Variants in DCLK1 observed in about 807,000 individuals in gnomAD.
The protein encoded by DCLK1 is doublecortin like kinase 1.
In DCLK1, 16 loss-of-function variants were observed where a neutral mutation model predicts 86.2. The ratio of observed to expected loss-of-function variants is 0.19; its 90% CI spans 0.13 to 0.28. The LOEUF is 0.28. Among genes scored for constraint, DCLK1 ranks in the 10% least tolerant of loss-of-function variants. The probability of loss-of-function intolerance (pLI) is 1.00; values close to 1 mark genes in which losing one functional copy is unlikely to be tolerated. For missense variants in DCLK1, 590 were observed against 940.2 expected (o/e 0.63, Z 4.87); for synonymous variants, 369 against 370.5 (o/e 1.00, Z 0.05).
intron 4 of DCLK1, among the ~76,000 whole-genome samples, chr13:35,881,706 G>C (rs1593694980): frequency 6.6e-6 from 1 of 151,992 alleles, no homozygotes; most frequent in African/African-American, 2.4e-5. Flanking sequence ...CTTGGAGAGT[G>C]CCACCCTGTC....
At chr13:35,810,391 G>A (rs752430534) in intron 12 of DCLK1, among the ~76,000 whole-genome samples, 2 of 152,130 alleles carry the variant, frequency 1.3e-5, no homozygotes, top group African/African-American at 4.8e-5. Flanking sequence ...TGTACTCCAC[G>A]GAAAATCAAT....
chr13:35,910,975 C>T (rs9545699), intron 4 of DCLK1, among the ~76,000 whole-genome samples: 1 of 152,014 alleles, frequency 6.6e-6, no homozygotes, highest in Non-Finnish European at 1.5e-5. Context: ...AATCTTAGAA[C>T]ACAGGTCTAA....
In DCLK1 at chr13:36,089,441, C is replaced by T. The variant is rs533748044; in HGVS notation, c.723+22428G>A. On this transcript the variant is annotated intron_variant, in intron 3 of 16. Coordinates refer to ENST00000360631, the MANE Select transcript of DCLK1 (RefSeq NM_001330071.2). The stretch of plus-strand genomic sequence containing the variant: ...GGAAACATAACCTTGGTTCCAAGTT[C>T]AGCCCATGTTTCTTTCCTGTGCAGC... Among the ~76,000 whole-genome samples, 5 of 152,298 alleles carry T rather than the reference C, an allele frequency of 3.3e-5. No homozygotes were observed. The South Asian group carries it at 1.0e-3, about 32-fold the overall frequency.
At chr13:35,827,315 C>T (rs1050949772) in intron 10 of DCLK1, among the ~76,000 whole-genome samples, 3 of 152,186 alleles carry the variant, frequency 2.0e-5, no homozygotes, top group Admixed American at 6.5e-5. Flanking sequence ...GTACCTAATG[C>T]TTTGTGTGTC....
rs2153096082 is a variant in DCLK1 at position 35,769,192 on chromosome 13, A to C, written c.*5343T>G. 1 of 152,274 alleles carries C rather than the reference A, an allele frequency of 6.6e-6. No individual in the cohort carries two copies. The highest frequency in any genetic ancestry group is 1.9e-4 in the East Asian group (1 of 5,192). The allele number at this position is 152,274 out of a possible 1,614,324, so 9.4% of individuals were successfully genotyped here. ...TAATTAAGGACACAAATTGTTTGAA[A>C]GTTATTTCATTAGGATTCTGAAAAT... On this transcript the variant is annotated 3_prime_UTR_variant, in exon 17 of 17. Transcript: ENST00000360631.
At chr13:35,993,052 C>G (rs777081772) in intron 3 of DCLK1, among the ~76,000 whole-genome samples, 15 of 152,204 alleles carry the variant, frequency 9.9e-5, no homozygotes, top group African/African-American at 2.4e-4. Context: ...TTTCTGCAGC[C>G]TTGCCTGCAA....
At chr13:35,980,807 ACTT>A (rs748618132) in intron 3 of DCLK1, among the ~76,000 whole-genome samples, 22 of 151,766 alleles carry the variant, frequency 1.4e-4, no homozygotes, top group East Asian at 3.9e-4. Context: ...GCAGCCCAGT[ACTT>A]CTTCTTTTTT....
intron 4 of DCLK1, among the ~76,000 whole-genome samples, chr13:35,882,454 C>T (rs1172111374): frequency 6.6e-6 from 1 of 152,210 alleles, no homozygotes; most frequent in East Asian, 1.9e-4. Context: ...TATGACATCA[C>T]TTTGATACCA....
chr13:35,909,366 A>C (rs1874868345), intron 4 of DCLK1, among the ~76,000 whole-genome samples: 1 of 152,192 alleles, frequency 6.6e-6, no homozygotes, highest in Non-Finnish European at 1.5e-5. Flanking sequence ...GACACACGCA[A>C]ACATTAAAAA....
chr13:35,967,249 T>G (rs8000854), intron 3 of DCLK1, among the ~76,000 whole-genome samples: 44,744 of 132,964 alleles, frequency 0.34, 7,574 homozygotes, highest in East Asian at 0.59. Flanking sequence ...TCTGGGAGGT[T>G]GGGGGCGCCT....
At chr13:35,902,730 G>A (rs1874448811) in intron 4 of DCLK1, among the ~76,000 whole-genome samples, 1 of 152,088 alleles carries the variant, frequency 6.6e-6, no homozygotes, top group African/African-American at 2.4e-5. Context: ...ACAGGTGAAG[G>A]CTGCTGCTTA....
chr13:36,092,606 C>T (rs1426385275), intron 3 of DCLK1, among the ~76,000 whole-genome samples: 1 of 150,038 alleles, frequency 6.7e-6, no homozygotes, highest in African/African-American at 2.5e-5. Flanking sequence ...CCTGCCTCAG[C>T]CTCCCAAGTA....
intron 3 of DCLK1, among the ~76,000 whole-genome samples, chr13:36,070,897 A>G (rs1300578896): frequency 1.3e-5 from 2 of 152,062 alleles, no homozygotes; most frequent in African/African-American, 4.8e-5. Context: ...CACCCACCTC[A>G]GCCTCCCAAA....
chr13:35,969,123 T>C (rs1298983456), intron 3 of DCLK1, among the ~76,000 whole-genome samples: 1 of 152,188 alleles, frequency 6.6e-6, no homozygotes. Flanking sequence ...GCAACTATAA[T>C]GAGCATAGTT....
intron 15 of DCLK1, among the ~76,000 whole-genome samples, chr13:35,798,643 GGCAAGTT>G (rs2086859393): frequency 6.6e-6 from 1 of 152,162 alleles, no homozygotes; most frequent in Non-Finnish European, 1.5e-5. Flanking sequence ...GAAAATGTAA[GGCAAGTT>G]GAGATTTATC....
intron 3 of DCLK1, among the ~76,000 whole-genome samples, chr13:36,102,181 A>G (rs1414279566): frequency 7.2e-6 from 1 of 138,988 alleles, no homozygotes; most frequent in Non-Finnish European, 1.6e-5. Context: ...GAAAATGTCT[A>G]GTCTAATCTT....
At position 36,046,613 on chromosome 13, in the gene DCLK1, A is replaced by G. The variant is rs375530532; in HGVS notation, c.723+65256T>C. ...ACATTCCACAAAGTGGCTGCATCCA[A>G]TCTCTTCACAGATAAATCCAAGACT... On this transcript the variant is annotated intron_variant, in intron 3 of 16. Coordinates refer to ENST00000360631, the MANE Select transcript of DCLK1 (RefSeq NM_001330071.2). Among the ~76,000 whole-genome samples the G allele has an allele frequency of 2.0e-4, 31 of 152,364 alleles. No individual in the cohort carries two copies. The South Asian group carries it at 5.2e-3, about 25-fold the overall frequency.
At chr13:35,965,079 T>C (rs574414036) in intron 3 of DCLK1, among the ~76,000 whole-genome samples, 1 of 152,302 alleles carries the variant, frequency 6.6e-6, no homozygotes, top group South Asian at 2.1e-4. Context: ...CAAGTTCCTT[T>C]ACATCATGCC....
At chr13:36,091,865 C>T (rs554040718) in intron 3 of DCLK1, among the ~76,000 whole-genome samples, 4 of 152,266 alleles carry the variant, frequency 2.6e-5, no homozygotes, top group Non-Finnish European at 5.9e-5. Context: ...TATCTGTGTT[C>T]CTAGTTCCTA....
Sources: allele counts gnomAD v4.1 joint callset (sites outside exome capture counted in the v4.1 genomes callset), GRCh38; gene constraint gnomAD v4.1.1; transcripts MANE v1.5; gene names NCBI Gene and HGNC (gene_info 2026-07-23, HGNC 2026-07-21).